SNX21: variants seen among roughly 807,000 people sequenced by gnomAD.
SNX21 encodes sorting nexin-21.
In SNX21, 36 loss-of-function variants were observed where a neutral mutation model predicts 30.9. That is an observed-to-expected ratio of 1.16 (90% CI 0.89 to 1.54). The LOEUF is 1.54. SNX21 is among the 40% of genes most tolerant of loss of function. SNX21 has a pLI of 0.00. For synonymous variants in SNX21, 218 were observed against 222.7 expected (o/e 0.98, Z 0.19); for missense variants, 508 against 516.5 (o/e 0.98, Z 0.16).
intron 2 of SNX21, 121 bp downstream of exon 2, chr20:45,834,589 C>T (rs766730597): frequency 1.1e-5 from 14 of 1,293,944 alleles, no homozygotes; most frequent in Non-Finnish European, 1.2e-5. Context: ...CTTCTTAAAG[C>T]GCCTGGGCCA....
intron 3 of SNX21, among the ~76,000 whole-genome samples, chr20:45,838,873 A>G (rs535505106): frequency 6.6e-6 from 1 of 151,880 alleles, no homozygotes; most frequent in South Asian, 2.1e-4. Context: ...AAAAATGGAG[A>G]TGAGAAGTGT....
rs1983971393 is a variant in SNX21, at chr20:45,840,526, G to A, written c.448-113G>A. 9.3e-6 allele frequency: 15 copies of A among 1,613,522 alleles called. No homozygotes were observed. In the South Asian group the frequency reaches 1.6e-4, roughly 18 times the overall value. ...CGCCCTCCTGGGTGCTGTCCCAGGGGTGAAAGGAAGAGGTGGGGAGGTACA... is the reference window on the plus strand; with the variant it reads ...CGCCCTCCTGGGTGCTGTCCCAGGGATGAAAGGAAGAGGTGGGGAGGTACA... On this transcript the variant is annotated intron_variant, in intron 3 of 3. Transcript: ENST00000491381.
chr20:45,836,384 G>C (rs1013440389), intron 3 of SNX21, among the ~76,000 whole-genome samples: 1 of 151,318 alleles, frequency 6.6e-6, no homozygotes, highest in African/African-American at 2.4e-5. Flanking sequence ...CCAGTTACTT[G>C]GGAGGCTGAG....
rs1983995506 is a variant in SNX21, at chr20:45,840,656, G to C, written c.465G>C (p.Val155=). Residue 155 remains valine (V), a synonymous_variant, in exon 4 of 4, where the codon GTG becomes GTC. Coordinates refer to ENST00000491381, the MANE Select transcript of SNX21 (RefSeq NM_033421.4). ...CCCTGCAGCTCTACACCCTCGCCGT[G>C]ATCGGCCCAGGACCGCCAGATTGCC... The part of the protein sequence containing the change: ...PSKYVLYTLA[V]IGPGPPDCQP... 6.2e-7 allele frequency: 1 copy of C among 1,614,030 alleles called. No homozygotes were observed.
chr20:45,841,268 AC>A lies in SNX21; in HGVS notation c.1083del (p.Ser362ValfsTer22), dbSNP rs773106892. On this transcript the variant is annotated frameshift_variant, in exon 4 of 4. Transcript: ENST00000491381. LOFTEE classifies it high-confidence loss of function. ...AGGAGGCAGGCCTTACCCCCACACC[AC>A]CCCCCAGTCTCAAAGAATTGCTCAT... Reference protein sequence around the residue: ...LQEAGLTPTPPPSLKELLIKE... With the variant: ...LQEAGLTPTPXPSLKELLIKE... 7.6e-6 allele frequency: 12 copies of A among 1,589,140 alleles called. No homozygotes were observed. Among genetic ancestry groups the A allele is most frequent in the South Asian group, 4.6e-5 (4 of 87,428 alleles).
Position 45,840,925 on chromosome 20 carries a change from G to A in SNX21, c.734G>A (p.Arg245Gln), listed in dbSNP as rs766890156. 37 of 1,611,890 alleles carry A rather than the reference G, an allele frequency of 2.3e-5. 1 individual carries two copies. The highest frequency in any genetic ancestry group is 1.6e-4 in the Middle Eastern group (1 of 6,074). ...GACTTCTTCGTGCTGCCGGAGCTGCGGCGGGCACAGAGCCTCACCTGTACT... is the reference window on the plus strand; with the variant it reads ...GACTTCTTCGTGCTGCCGGAGCTGCAGCGGGCACAGAGCCTCACCTGTACT... The part of the protein sequence containing the change: ...LQDFFVLPEL[R>Q]RAQSLTCTGL... The change falls in exon 4 of 4, where the codon CGG (arginine) becomes CAG (glutamine). Residue 245 changes from arginine to glutamine, a missense_variant. Arg to Gln is a conservative substitution (Grantham distance 43). Transcript: ENST00000491381.
Position 45,834,299 on chromosome 20 carries a change from G to C in SNX21, c.120G>C (p.Pro40=). The C allele has an allele frequency of 6.3e-7, 1 of 1,595,008 alleles. No homozygotes were observed. Among genetic ancestry groups the C allele is most frequent in the Non-Finnish European group, 8.5e-7 (1 of 1,176,546 alleles). ...CCAGTCCAGAGGCCGAGCAGTTTCC[G>C]GAGAGCTCAGAGCTGGAGGACGACG... is the stretch of plus-strand genomic sequence containing the variant. ...AAASPEAEQF[P]ESSELEDDDA... is the part of the protein sequence containing the mutation. The change falls in exon 2 of 4, where the codon CCG becomes CCC. Residue 40 remains proline (P), a synonymous_variant. Transcript: ENST00000491381.
At chr20:45,836,478 G>C (rs1011537740) in intron 3 of SNX21, among the ~76,000 whole-genome samples, 1 of 110,614 alleles carries the variant, frequency 9.0e-6, no homozygotes, top group Non-Finnish European at 1.7e-5. Flanking sequence ...GCAACAGAGC[G>C]AGACTCCGTC....
intron 3 of SNX21, among the ~76,000 whole-genome samples, chr20:45,839,733 CAAAA>C: frequency 8.7e-6 from 1 of 114,958 alleles, no homozygotes; most frequent in Non-Finnish European, 1.9e-5. Context: ...CATCTCCATA[CAAAA>C]AAAAAAAAAA....
Position 45,842,297 on chromosome 20 carries a change from T to A in SNX21, c.*984T>A. Reference sequence around the variant, plus strand: ...CCCACAGGAACCCCAGTTGACAGTTTAAAAGCACTTTCACACCTCTCCTCG... The same window carrying A: ...CCCACAGGAACCCCAGTTGACAGTTAAAAAGCACTTTCACACCTCTCCTCG... On this transcript the variant is annotated 3_prime_UTR_variant, in exon 4 of 4. Coordinates refer to ENST00000491381, the MANE Select transcript of SNX21 (RefSeq NM_033421.4). 7.0e-7 allele frequency: 1 copy of A among 1,423,060 alleles called. No homozygotes were observed. Among genetic ancestry groups the A allele is most frequent in the Non-Finnish European group, 9.1e-7 (1 of 1,093,736 alleles). 88.2% of individuals were successfully genotyped at this position (1,423,060 alleles called of 1,614,324 possible). A position where few individuals can be genotyped will look rare whatever the true frequency, so the allele number is the denominator to read the frequency against.
In SNX21 at chr20:45,840,583, G is replaced by A. The variant is rs781667976; in HGVS notation, c.448-56G>A. ...AGTGTGGGGGATGGGGAAGGATGGG[G>A]AGGGAACGGGCCCGTGGACAACTTG... On this transcript the variant is annotated intron_variant, in intron 3 of 3. Transcript: ENST00000491381. 7 of 1,613,932 alleles carry A rather than the reference G, an allele frequency of 4.3e-6. No individual in the cohort carries two copies. In the South Asian group the frequency reaches 6.6e-5, roughly 15 times the overall value.
At chr20:45,835,341 C>G (rs1983441108) in intron 3 of SNX21, among the ~76,000 whole-genome samples, 1 of 152,176 alleles carries the variant, frequency 6.6e-6, no homozygotes, top group Admixed American at 6.5e-5. Context: ...TTCCTCTTAA[C>G]CTGGTTTTGA....
At chr20:45,840,273 G>A in intron 3 of SNX21, 1 of 1,485,872 alleles carries the variant, frequency 6.7e-7, no homozygotes. Flanking sequence ...TGGTCCTAAA[G>A]GAGCCCCAAG....
chr20:45,838,035 G>T (rs1601071540), intron 3 of SNX21, among the ~76,000 whole-genome samples: 2 of 150,836 alleles, frequency 1.3e-5, no homozygotes, highest in South Asian at 2.1e-4. Context: ...CTCCCAAAGT[G>T]TTGGGATTAC....
At position 45,833,841 on chromosome 20, in the gene SNX21, G is replaced by C; in HGVS notation, c.-79G>C. On this transcript the variant is annotated 5_prime_UTR_variant, in exon 1 of 4. Transcript: ENST00000491381. ...GCGCTCTGAGCGGCCTGAGCCCGGC[G>C]GAGCCCTGCAGAACCCGGCCGACCT... 1 of 1,255,908 alleles carries C rather than the reference G, an allele frequency of 8.0e-7. No homozygotes were observed. The highest frequency in any genetic ancestry group is 1.0e-6 in the Non-Finnish European group (1 of 991,304). 77.8% of individuals were successfully genotyped at this position (1,255,908 alleles called of 1,614,324 possible).
At chr20:45,835,794 G>A (rs1214802718) in intron 3 of SNX21, among the ~76,000 whole-genome samples, 1 of 152,184 alleles carries the variant, frequency 6.6e-6, no homozygotes, top group African/African-American at 2.4e-5. Context: ...TCAAGCACCC[G>A]ACCTTGTCCC....
At chr20:45,838,558 A>AGCCTG (rs1477674702) in intron 3 of SNX21, among the ~76,000 whole-genome samples, 1 of 151,716 alleles carries the variant, frequency 6.6e-6, no homozygotes, top group Non-Finnish European at 1.5e-5. Flanking sequence ...GTTCAAGACC[A>AGCCTG]GCCTGGCCAA....
Position 45,842,834 on chromosome 20 carries a change from C to G in SNX21, c.*1521C>G, listed in dbSNP as rs970652533. ...GATGCTATTGGTACTTGAGAATACC[C>G]CTTATCTGAGTATAAAGAATCCTTG... On this transcript the variant is annotated 3_prime_UTR_variant, in exon 4 of 4. Coordinates refer to ENST00000491381, the MANE Select transcript of SNX21 (RefSeq NM_033421.4). 1.6e-5 allele frequency: 16 copies of G among 994,632 alleles called. No individual in the cohort carries two copies. The highest frequency in any genetic ancestry group is 1.8e-5 in the Non-Finnish European group (15 of 834,882). The allele number at this position is 994,632 out of a possible 1,614,324, so 61.6% of individuals were successfully genotyped here. A position where few individuals can be genotyped will look rare whatever the true frequency, so the allele number is the denominator to read the frequency against.
chr20:45,834,606 G>C (rs1379070343), intron 2 of SNX21, 138 bp downstream of exon 2: 23 of 1,193,306 alleles, frequency 1.9e-5, no homozygotes, highest in Non-Finnish European at 2.2e-5. Context: ...GCCACCTCTT[G>C]GCTGTGTGAC....
Sources: gnomAD v4.1 joint callset for allele counts (sites outside exome capture counted in the v4.1 genomes callset) on GRCh38, gnomAD v4.1.1 for gene constraint, MANE v1.5 for transcripts, NCBI Gene and HGNC (gene_info 2026-07-23, HGNC 2026-07-21) for gene names.